The following BASP1 variants were observed in gnomAD, a reference collection of about 807,000 sequenced individuals.
BASP1 encodes brain acid soluble protein 1.
Under a neutral mutation model 2.2 loss-of-function variants are expected in BASP1, and 1 was observed. That is an observed-to-expected ratio of 0.46 (90% CI 0.16 to 2.17). BASP1 has a LOEUF of 2.17. Among genes scored for constraint, BASP1 ranks in the 30% most tolerant of loss-of-function variants. The pLI, the probability that BASP1 is intolerant of heterozygous loss-of-function variation, is 0.27. For synonymous variants in BASP1, 187 were observed against 154.2 expected, an observed-to-expected ratio of 1.21 and a Z score of -1.58; for missense variants, 352 against 327.2, an observed-to-expected ratio of 1.08 and a Z score of -0.58.
rs1266165849 is a variant in BASP1, at chr5:17,275,393, C to G, written c.177C>G (p.Asp59Glu). 1 of 1,584,444 alleles carries G rather than the reference C, an allele frequency of 6.3e-7. No homozygotes were observed. Among genetic ancestry groups the G allele is most frequent in the South Asian group, 1.1e-5 (1 of 88,612 alleles). The change falls in exon 2 of 2, where the codon GAC (aspartate) becomes GAG (glutamate). Residue 59 changes from aspartate (D) to glutamate (E), a missense_variant. Transcript: ENST00000322611. The surrounding 1 kb of genome is among the most constrained non-coding windows in gnomAD (Gnocchi z 5.3). ...AEAKEGKEKP[D>E]QDAEGKAEEK... ...CCAAGGAGGGCAAGGAGAAGCCCGACCAGGACGCCGAGGGCAAGGCCGAGG... is the reference window on the plus strand; with the variant it reads ...CCAAGGAGGGCAAGGAGAAGCCCGAGCAGGACGCCGAGGGCAAGGCCGAGG...
chr5:17,266,703 C>G (rs1329188792), intron 1 of BASP1, among the ~76,000 whole-genome samples: 1 of 151,562 alleles, frequency 6.6e-6, no homozygotes, highest in Non-Finnish European at 1.5e-5. Context: ...ATCCCAGCTA[C>G]TCAGGAGGCT....
intron 1 of BASP1, among the ~76,000 whole-genome samples, chr5:17,227,031 C>G (rs1223465445): frequency 6.7e-6 from 1 of 150,268 alleles, no homozygotes; most frequent in African/African-American, 2.5e-5. Flanking sequence ...TGGGTTCAAG[C>G]GATTCTCCTG....
chr5:17,262,731 A>T (rs1024795603), intron 1 of BASP1, among the ~76,000 whole-genome samples: 6 of 151,962 alleles, frequency 3.9e-5, no homozygotes, highest in African/African-American at 1.5e-4. Flanking sequence ...ACTTACTCTC[A>T]TTTATATTTT....
In BASP1 at chr5:17,275,097, G is replaced by C; in HGVS notation, c.-9-111G>C. 1.1e-6 allele frequency: 1 copy of C among 896,724 alleles called. No homozygotes were observed. 55.5% of individuals were successfully genotyped at this position (896,724 alleles called of 1,614,324 possible). On this transcript the variant is annotated intron_variant, in intron 1 of 1. Coordinates refer to ENST00000322611, the MANE Select transcript of BASP1 (RefSeq NM_006317.5). The surrounding 1 kb of genome is among the most constrained non-coding windows in gnomAD (Gnocchi z 5.3). ...ATAGTTTACCATGCCACCCCTTTGG[G>C]GTGTGCAGTGCAGCAGGCCCAGAAC...
chr5:17,267,032 AAT>A (rs1315247342), intron 1 of BASP1, among the ~76,000 whole-genome samples: 1 of 152,194 alleles, frequency 6.6e-6, no homozygotes, highest in Non-Finnish European at 1.5e-5. Context: ...CACTAAACTG[AAT>A]ATCACATTAG....
chr5:17,245,727 A>G (rs1239484648), intron 1 of BASP1, among the ~76,000 whole-genome samples: 1 of 152,052 alleles, frequency 6.6e-6, no homozygotes, highest in African/African-American at 2.4e-5. Flanking sequence ...ACAGAGAAAA[A>G]TTGCTGGAGT....
At position 17,276,094 on chromosome 5, in the gene BASP1, T is replaced by G; in HGVS notation, c.*194T>G. On this transcript the variant is annotated 3_prime_UTR_variant, in exon 2 of 2. Transcript: ENST00000322611. ...GCCCAAGGAAAAATACAGGATGTTGTCCCATCAAGGGAGGGAGGGGGTGGG... is the reference window on the plus strand; with the variant it reads ...GCCCAAGGAAAAATACAGGATGTTGGCCCATCAAGGGAGGGAGGGGGTGGG... 6 of 272,544 alleles carry G rather than the reference T, an allele frequency of 2.2e-5. No individual in the cohort carries two copies. Among genetic ancestry groups the G allele is most frequent in the Non-Finnish European group, 3.5e-5 (5 of 144,806 alleles). 16.9% of individuals were successfully genotyped at this position (272,544 alleles called of 1,614,324 possible).
At chr5:17,235,927 C>G (rs1739732723) in intron 1 of BASP1, among the ~76,000 whole-genome samples, 1 of 152,172 alleles carries the variant, frequency 6.6e-6, no homozygotes, top group Admixed American at 6.5e-5. Context: ...AGTAATTGCT[C>G]TTTATGAATC....
chr5:17,219,843 T>C lies in BASP1; in HGVS notation c.-10+2033T>C, dbSNP rs540322801. Reference sequence around the variant, plus strand: ...GGCGAATGGCGTCCAGATGGAAATCTGATGGGGGCAGAAAGAAGGCAGTCG... The same window carrying C: ...GGCGAATGGCGTCCAGATGGAAATCCGATGGGGGCAGAAAGAAGGCAGTCG... On this transcript the variant is annotated intron_variant, in intron 1 of 1. Coordinates refer to ENST00000322611, the MANE Select transcript of BASP1 (RefSeq NM_006317.5). Among the ~76,000 whole-genome samples the C allele has an allele frequency of 3.7e-4, 56 of 152,324 alleles. 2 individuals are homozygous for C. The South Asian group carries it at 0.011, about 30-fold the overall frequency.
At chr5:17,250,918 T>G (rs1740091131) in intron 1 of BASP1, among the ~76,000 whole-genome samples, 1 of 152,298 alleles carries the variant, frequency 6.6e-6, no homozygotes, top group South Asian at 2.1e-4. Flanking sequence ...TATTTTAACC[T>G]GAATTTTTGG....
intron 1 of BASP1, among the ~76,000 whole-genome samples, chr5:17,261,615 T>TC (rs200132341): frequency 0.018 from 2,680 of 152,208 alleles, 76 homozygotes; most frequent in African/African-American, 0.061. Context: ...TTGGCTTCTC[T>TC]CCCCCCCACC....
At chr5:17,242,109 C>A (rs1230890307) in intron 1 of BASP1, among the ~76,000 whole-genome samples, 2 of 152,102 alleles carry the variant, frequency 1.3e-5, no homozygotes, top group African/African-American at 4.8e-5. Context: ...CCTTTCATTC[C>A]CCTCCTTCGA....
At chr5:17,269,623 C>T (rs942421310) in intron 1 of BASP1, among the ~76,000 whole-genome samples, 1 of 152,128 alleles carries the variant, frequency 6.6e-6, no homozygotes, top group African/African-American at 2.4e-5. Context: ...TGGATGGAGG[C>T]TTGGTTTTAT....
rs187963598 is a variant in BASP1, at chr5:17,251,522, C to T, written c.-9-23686C>T. Among the ~76,000 whole-genome samples the T allele has an allele frequency of 6.6e-6, 1 of 152,202 alleles. No homozygotes were observed. ...GGTTTCTGTGGAAGGGTCCAAACAG[C>T]GGCTGGAGCTCCAACTGTCTTTGTC... On this transcript the variant is annotated intron_variant, in intron 1 of 1. Coordinates refer to ENST00000322611, the MANE Select transcript of BASP1 (RefSeq NM_006317.5). This position sits in a 1 kb window ranked among gnomAD's most constrained non-coding sequence, Gnocchi z 4.0.
chr5:17,237,621 C>CT lies in BASP1; in HGVS notation c.-10+19827dup, dbSNP rs10607958. On this transcript the variant is annotated intron_variant, in intron 1 of 1. Coordinates refer to ENST00000322611, the MANE Select transcript of BASP1 (RefSeq NM_006317.5). ...GCTAGGTGAGTGTCCCCTGACATTGCTTTTTTTTTTTTTTTTCCGTGATGG... is the reference window on the plus strand; with the variant it reads ...GCTAGGTGAGTGTCCCCTGACATTGCTTTTTTTTTTTTTTTTTCCGTGATGG... Among the ~76,000 whole-genome samples the CT allele has an allele frequency of 7.5e-3, 1,065 of 141,384 alleles. 13 individuals carry two copies. The highest frequency in any genetic ancestry group is 0.015 in the Middle Eastern group (4 of 270). 92.8% of individuals were successfully genotyped at this position (141,384 alleles called of 152,430 possible).
intron 1 of BASP1, among the ~76,000 whole-genome samples, chr5:17,245,559 C>T (rs967202039): frequency 1.3e-5 from 2 of 151,976 alleles, no homozygotes; most frequent in Admixed American, 1.3e-4. Context: ...AAAATAAACA[C>T]TCTTACCTCA....
chr5:17,221,363 A>G (rs1042145112), intron 1 of BASP1, among the ~76,000 whole-genome samples: 8 of 140,506 alleles, frequency 5.7e-5, no homozygotes, highest in African/African-American at 1.6e-4. Context: ...TCTCTTGTAA[A>G]TGTTTTTTTT....
chr5:17,249,706 A>AT (rs558678980), intron 1 of BASP1, among the ~76,000 whole-genome samples: 10 of 151,778 alleles, frequency 6.6e-5, no homozygotes, highest in Non-Finnish European at 1.2e-4. Context: ...TTTAGACTCT[A>AT]TTTTTTTTCT....
chr5:17,259,337 C>T (rs916026115), intron 1 of BASP1, among the ~76,000 whole-genome samples: 3 of 152,184 alleles, frequency 2.0e-5, no homozygotes, highest in African/African-American at 7.2e-5. Context: ...CCAGTACACA[C>T]GGGAATTGTG....
Sources: gnomAD v4.1 joint callset for allele counts (sites outside exome capture counted in the v4.1 genomes callset) on GRCh38, gnomAD v4.1.1 for gene constraint, Gnocchi (gnomAD v3.1) non-coding constraint, MANE v1.5 for transcripts, NCBI Gene and HGNC (gene_info 2026-07-23, HGNC 2026-07-21) for gene names.